MATN1: variants seen among roughly 807,000 people sequenced by gnomAD.
MATN1 encodes the protein matrilin-1.
Under a neutral mutation model 41.3 loss-of-function variants are expected in MATN1, and 34 were observed. That is an observed-to-expected ratio of 0.82 (90% CI 0.63 to 1.10). The LOEUF is 1.10. Ranked by LOEUF, MATN1 falls within the 50% of genes least tolerant of loss-of-function variation. The pLI, the probability that MATN1 is intolerant of heterozygous loss-of-function variation, is 0.00. For missense variants in MATN1, 602 were observed against 662.4 expected (o/e 0.91, Z 1.00); for synonymous variants, 264 against 278.7 (o/e 0.95, Z 0.53).
intron 5 of MATN1, 125 bp downstream of exon 5, chr1:30,715,784 C>T: frequency 2.1e-6 from 2 of 946,294 alleles, no homozygotes; most frequent in Non-Finnish European, 3.1e-6. Context: ...ACCAATCCTC[C>T]TCATTCAAAC....
In MATN1 at chr1:30,723,489, C is replaced by T. The variant is rs936992338; in HGVS notation, c.63G>A (p.Leu21=). The T allele has an allele frequency of 6.5e-7, 1 of 1,530,832 alleles. No individual in the cohort carries two copies. The highest frequency in any genetic ancestry group is 1.2e-5 in the South Asian group (1 of 80,670). 94.8% of individuals were successfully genotyped at this position (1,530,832 alleles called of 1,614,324 possible). ...ACTGGGGGGCGAGGCCAGGGCTGCA[C>T]AGGGCCTGGAGCAGCAGCAGCAGGC... ...LCSLLLLLQA[L]CSPGLAPQSR... The change falls in exon 1 of 8, where the codon CTG becomes CTA. Residue 21 remains leucine, a synonymous_variant. Coordinates refer to ENST00000373765, the MANE Select transcript of MATN1 (RefSeq NM_002379.3).
rs967718638 is a variant in MATN1 at position 30,718,868 on chromosome 1, G to A, written c.531C>T (p.Ala177=). 5.6e-6 allele frequency: 9 copies of A among 1,605,648 alleles called. No individual in the cohort carries two copies. Among genetic ancestry groups the A allele is most frequent in the Non-Finnish European group, 5.9e-6 (7 of 1,178,154 alleles). The change falls in exon 3 of 8, where the codon GCC becomes GCT. Residue 177 remains alanine (A), a synonymous_variant. Transcript: ENST00000373765. ...CCTTGTCCACGCTGCCCACTCCGAT[G>A]GCGAACAGCTCGACGCCGCTGGCCC... ...RARASGVELF[A]IGVGSVDKAT...
In MATN1 at chr1:30,716,424, G is replaced by T. The variant is rs1639619551; in HGVS notation, c.791-99C>A. ...CACCACACACCAAGCTCTGTGCTGA[G>T]GATCATTACATTGTGCCCTCAGAAC... On this transcript the variant is annotated intron_variant, in intron 4 of 7. Coordinates refer to ENST00000373765, the MANE Select transcript of MATN1 (RefSeq NM_002379.3). 5 of 1,244,736 alleles carry T rather than the reference G, an allele frequency of 4.0e-6. No individual in the cohort carries two copies. The South Asian group carries it at 7.0e-5, about 17-fold the overall frequency. The allele number at this position is 1,244,736 out of a possible 1,614,324, so 77.1% of individuals were successfully genotyped here. A position where few individuals can be genotyped will look rare whatever the true frequency, so the allele number is the denominator to read the frequency against.
chr1:30,717,648 T>A (rs1359718099), intron 3 of MATN1, among the ~76,000 whole-genome samples: 2 of 118,654 alleles, frequency 1.7e-5, no homozygotes, highest in Non-Finnish European at 3.5e-5. Flanking sequence ...TGCGGTTTTT[T>A]TTTTTGTTTT....
At chr1:30,715,505 T>C (rs1186164800) in intron 5 of MATN1, among the ~76,000 whole-genome samples, 196 bp from the exon 6 acceptor site, 1 of 152,244 alleles carries the variant, frequency 6.6e-6, no homozygotes, top group African/African-American at 2.4e-5. Flanking sequence ...TCAGACCCTA[T>C]AGTGACTTCC....
chr1:30,719,067 G>C, intron 2 of MATN1, 110 bp from the exon 3 acceptor site: 1 of 838,008 alleles, frequency 1.2e-6, no homozygotes, highest in Non-Finnish European at 1.7e-6. Context: ...CGCACAGCCA[G>C]GCGGCACCCG....
In MATN1 at chr1:30,715,864, C is replaced by A. The variant is rs202058559; in HGVS notation, c.1207+45G>T. The A allele has an allele frequency of 6.3e-6, 10 of 1,577,934 alleles. No individual in the cohort carries two copies. In the East Asian group the frequency reaches 2.0e-4, roughly 32 times the overall value. ...ACAGTTGGGCTATACCCGTGTGTACCCCTGGCCATCAGTGGTGTCCAGGGT... is the reference window on the plus strand; with the variant it reads ...ACAGTTGGGCTATACCCGTGTGTACACCTGGCCATCAGTGGTGTCCAGGGT... On this transcript the variant is annotated intron_variant, in intron 5 of 7. Transcript: ENST00000373765.
At chr1:30,714,214 T>TC in intron 7 of MATN1, 33 bp downstream of exon 7, 3 of 857,414 alleles carry the variant, frequency 3.5e-6, no homozygotes, top group Non-Finnish European at 5.4e-6. Context: ...CCTGCGCCCC[T>TC]CCCCAGCCCC....
At position 30,718,899 on chromosome 1, in the gene MATN1, C is replaced by G; in HGVS notation, c.500G>C (p.Arg167Pro). ...CAGCTCGACGCCGCTGGCCCGGGCC[C>G]GCGCAGACACGTCCTGCACGCTGTC... ...PQDSVQDVSA[R>P]ARASGVELFA... Residue 167 changes from arginine (R) to proline (P), a missense_variant, in exon 3 of 8, where the codon CGG becomes CCG. Coordinates refer to ENST00000373765, the MANE Select transcript of MATN1 (RefSeq NM_002379.3). The G allele has an allele frequency of 6.3e-7, 1 of 1,580,632 alleles. No individual in the cohort carries two copies. Among genetic ancestry groups the G allele is most frequent in the Non-Finnish European group, 8.6e-7 (1 of 1,168,428 alleles).
At chr1:30,722,340 C>T (rs1323015691) in intron 1 of MATN1, among the ~76,000 whole-genome samples, 1 of 152,266 alleles carries the variant, frequency 6.6e-6, no homozygotes, top group Admixed American at 6.5e-5. Flanking sequence ...GCAGCGCCTG[C>T]TGGCGGGTTG....
chr1:30,718,936 C>T lies in MATN1; in HGVS notation c.463G>A (p.Gly155Arg). The part of the protein sequence containing the change: ...ISKVVIVVTD[G>R]RPQDSVQDVS... ...TCCTGCACGCTGTCCTGGGGCCTCC[C>T]GTCTGTCACCACGATGACCACCTGC... is the stretch of plus-strand genomic sequence containing the variant. Residue 155 changes from glycine to arginine, a missense_variant, in exon 3 of 8, where the codon GGG becomes AGG. Coordinates refer to ENST00000373765, the MANE Select transcript of MATN1 (RefSeq NM_002379.3). 6.6e-7 allele frequency: 1 copy of T among 1,520,514 alleles called. No individual in the cohort carries two copies. Among genetic ancestry groups the T allele is most frequent in the Non-Finnish European group, 8.8e-7 (1 of 1,138,256 alleles). 94.2% of individuals were successfully genotyped at this position (1,520,514 alleles called of 1,614,324 possible).
Position 30,723,518 on chromosome 1 carries a change from A to T in MATN1, c.34T>A (p.Cys12Ser). 6.5e-7 allele frequency: 1 copy of T among 1,536,256 alleles called. No individual in the cohort carries two copies. The highest frequency in any genetic ancestry group is 8.8e-7 in the Non-Finnish European group (1 of 1,140,504). The part of the protein sequence containing the change: ...RVLSGTSLML[C>S]SLLLLLQALC... The stretch of plus-strand genomic sequence containing the variant: ...GCCTGGAGCAGCAGCAGCAGGCTGC[A>T]GAGCATGAGGCTAGTGCCAGAGAGG... The change falls in exon 1 of 8, where the codon TGC becomes AGC. Residue 12 changes from cysteine to serine, a missense_variant. Coordinates refer to ENST00000373765, the MANE Select transcript of MATN1 (RefSeq NM_002379.3).
intron 1 of MATN1, 48 bp from the exon 2 acceptor site, chr1:30,721,799 AGGGACT>A: frequency 6.7e-7 from 1 of 1,495,760 alleles, no homozygotes; most frequent in Non-Finnish European, 9.2e-7. Flanking sequence ...GACACAGGTC[AGGGACT>A]GGGCCTGAAC....
rs1240102368 is a variant in MATN1 at position 30,714,345 on chromosome 1, G to A, written c.1361-18C>T. The stretch of plus-strand genomic sequence containing the variant: ...GTCTTCCTCTGCAGGGGACAAGGAG[G>A]AGGGAAAGAGAAAGGAACTGTTGAG... On this transcript the variant is annotated intron_variant, in intron 6 of 7. Transcript: ENST00000373765. 3 of 1,597,284 alleles carry A rather than the reference G, an allele frequency of 1.9e-6. No individual in the cohort carries two copies. The highest frequency in any genetic ancestry group is 1.7e-6 in the Non-Finnish European group (2 of 1,169,888).
Position 30,721,704 on chromosome 1 carries a change from T to G in MATN1, c.142A>C (p.Ser48Arg), listed in dbSNP as rs1446926991. Residue 48 changes from serine to arginine, a missense_variant, in exon 2 of 8, where the codon AGC becomes CGC. Physicochemically the swap from Ser to Arg is moderately radical, Grantham distance 110. Coordinates refer to ENST00000373765, the MANE Select transcript of MATN1 (RefSeq NM_002379.3). ...RPTDLVFVVD[S>R]SRSVRPVEFE... ...TCAACAGGCCGAACGCTGCGAGAGCTGTCGACAACAAACACCAGGTCTGTG... is the reference window on the plus strand; with the variant it reads ...TCAACAGGCCGAACGCTGCGAGAGCGGTCGACAACAAACACCAGGTCTGTG... 1 of 1,612,936 alleles carries G rather than the reference T, an allele frequency of 6.2e-7. No homozygotes were observed. The highest frequency in any genetic ancestry group is 8.5e-7 in the Non-Finnish European group (1 of 1,179,952).
intron 2 of MATN1, chr1:30,719,854 G>C (rs1639675739): frequency 1.3e-5 from 2 of 153,114 alleles, no homozygotes; most frequent in African/African-American, 4.8e-5. Context: ...CCTGATGACA[G>C]GCAGTTGAGA....
chr1:30,716,190 T>A lies in MATN1; in HGVS notation c.926A>T (p.Asp309Val). 1 of 1,614,230 alleles carries A rather than the reference T, an allele frequency of 6.2e-7. No homozygotes were observed. The highest frequency in any genetic ancestry group is 8.5e-7 in the Non-Finnish European group (1 of 1,180,040). Reference protein sequence around the residue: ...SQIVDTLDVSDKLAQVGLVQY... With the variant: ...SQIVDTLDVSVKLAQVGLVQY... ...CACCAGCCCCACCTGGGCCAGCTTGTCTGACACGTCCAGCGTATCCACGAT... is the reference window on the plus strand; with the variant it reads ...CACCAGCCCCACCTGGGCCAGCTTGACTGACACGTCCAGCGTATCCACGAT... The change falls in exon 5 of 8, where the codon GAC becomes GTC. Residue 309 changes from aspartate to valine, a missense_variant. Coordinates refer to ENST00000373765, the MANE Select transcript of MATN1 (RefSeq NM_002379.3).
In MATN1 at chr1:30,716,202, A is replaced by G; in HGVS notation, c.914T>C (p.Leu305Pro). ...CTGGGCCAGCTTGTCTGACACGTCC[A>G]GCGTATCCACGATCTGACTGATGAA... ...KKFISQIVDT[L>P]DVSDKLAQVG... Residue 305 changes from leucine (L) to proline (P), a missense_variant, in exon 5 of 8, where the codon CTG becomes CCG. Leu to Pro is a moderately conservative substitution (Grantham distance 98, BLOSUM62 -3). Transcript: ENST00000373765. The G allele has an allele frequency of 6.2e-7, 1 of 1,614,238 alleles. No individual in the cohort carries two copies. The highest frequency in any genetic ancestry group is 8.5e-7 in the Non-Finnish European group (1 of 1,180,042).
Position 30,718,726 on chromosome 1 carries a change from C to A in MATN1, c.664+9G>T. ...CCTGCCCTGGCTCCGCCCCCGCCTG[C>A]CCGCGCACCGCAGAAGGCCTCCTGG... On this transcript the variant is annotated intron_variant, in intron 3 of 7. Transcript: ENST00000373765. 1.3e-6 allele frequency: 2 copies of A among 1,569,124 alleles called. No individual in the cohort carries two copies. The highest frequency in any genetic ancestry group is 3.5e-5 in the Admixed American group (2 of 56,672).
Sources: gnomAD v4.1 joint callset for allele counts (sites outside exome capture counted in the v4.1 genomes callset) on GRCh38, gnomAD v4.1.1 for gene constraint, MANE v1.5 for transcripts, NCBI Gene and HGNC (gene_info 2026-07-23, HGNC 2026-07-21) for gene names.